The following COL25A1 variants were observed in gnomAD, a reference collection of about 807,000 sequenced individuals.
COL25A1 encodes the protein collagen alpha-1(XXV) chain.
In COL25A1, 103 loss-of-function variants were observed where a neutral mutation model predicts 128.4. That is an observed-to-expected ratio of 0.80 (90% CI 0.68 to 0.94). COL25A1 has a LOEUF of 0.94. Ranked by LOEUF, COL25A1 falls within the 40% of genes least tolerant of loss-of-function variation. COL25A1 has a pLI of 0.00. For missense variants in COL25A1, 745 were observed against 840.0 expected, an observed-to-expected ratio of 0.89 and a Z score of 1.40; for synonymous variants, 279 against 277.2, an observed-to-expected ratio of 1.01 and a Z score of -0.06.
At chr4:108,917,958 C>T (rs1367883536) in intron 13 of COL25A1, among the ~76,000 whole-genome samples, 1 of 152,156 alleles carries the variant, frequency 6.6e-6, no homozygotes, top group Non-Finnish European at 1.5e-5. Context: ...ATCCAAAATA[C>T]TTGAAATGGA....
chr4:108,866,058 T>C (rs1455245473), intron 20 of COL25A1, among the ~76,000 whole-genome samples: 1 of 152,238 alleles, frequency 6.6e-6, no homozygotes, highest in Non-Finnish European at 1.5e-5. Context: ...TTCAGGAGAA[T>C]AGAAACTGTT....
At chr4:108,859,515 C>T in intron 24 of COL25A1, 141 bp downstream of exon 24, 1 of 572,728 alleles carries the variant, frequency 1.7e-6, no homozygotes, top group Non-Finnish European at 3.1e-6. Flanking sequence ...GGGATGAGTT[C>T]TTGAGAACAG....
intron 11 of COL25A1, among the ~76,000 whole-genome samples, chr4:108,934,387 T>C (rs1017078720): frequency 6.6e-6 from 1 of 151,964 alleles, no homozygotes; most frequent in Admixed American, 6.6e-5. Context: ...CTAATGTAAA[T>C]GATGAGTTGA....
rs75168958 is a variant in COL25A1, at chr4:108,865,151, G to A, written c.1084-1764C>T. ...AAGAGTGTCTGGCTTCTTGCATAAG[G>A]GGTAGAATTTCAATCATCAAACATT... On this transcript the variant is annotated intron_variant, in intron 20 of 37. Transcript: ENST00000399132. Among the ~76,000 whole-genome samples the A allele has an allele frequency of 4.6e-3, 696 of 151,922 alleles. 15 individuals are homozygous for A. In the East Asian group the frequency reaches 0.062, roughly 14 times the overall value.
intron 27 of COL25A1, among the ~76,000 whole-genome samples, chr4:108,848,345 C>G (rs1735350293): frequency 6.6e-6 from 1 of 152,060 alleles, no homozygotes; most frequent in Non-Finnish European, 1.5e-5. Context: ...GATTAGGTGT[C>G]ATCTTTATTT....
At chr4:108,994,977 G>A (rs1414394481) in intron 6 of COL25A1, among the ~76,000 whole-genome samples, 3 of 152,164 alleles carry the variant, frequency 2.0e-5, no homozygotes, top group Non-Finnish European at 4.4e-5. Flanking sequence ...CAACATCAAA[G>A]ACCAAAGGTA....
At chr4:108,847,954 C>A (rs187325159) in intron 27 of COL25A1, among the ~76,000 whole-genome samples, 3 of 152,172 alleles carry the variant, frequency 2.0e-5, no homozygotes, top group Non-Finnish European at 2.9e-5. Flanking sequence ...TAATGGAAAT[C>A]AAGAAAACAC....
chr4:108,858,865 C>G (rs1736832008), intron 24 of COL25A1, among the ~76,000 whole-genome samples: 1 of 151,950 alleles, frequency 6.6e-6, no homozygotes, highest in Admixed American at 6.6e-5. Flanking sequence ...AAAAAAGTTT[C>G]AAAGGAAGGT....
chr4:109,227,228 T>C (rs1253803451), intron 3 of COL25A1, among the ~76,000 whole-genome samples: 2 of 151,414 alleles, frequency 1.3e-5, no homozygotes, highest in African/African-American at 2.4e-5. Flanking sequence ...AACATTGTGA[T>C]AACGCAGTTT....
chr4:108,866,198 C>CTTT (rs35781275), intron 20 of COL25A1, among the ~76,000 whole-genome samples: 2 of 128,616 alleles, frequency 1.6e-5, no homozygotes, highest in Admixed American at 8.1e-5. Context: ...TCTTTTCTTT[C>CTTT]TTTTTTTTTT....
chr4:109,223,907 T>G (rs574243346), intron 3 of COL25A1, among the ~76,000 whole-genome samples: 40 of 152,218 alleles, frequency 2.6e-4, no homozygotes, highest in Admixed American at 3.9e-4. Context: ...CCTAAAGATT[T>G]ATGAATTACA....
intron 19 of COL25A1, among the ~76,000 whole-genome samples, chr4:108,878,632 G>A (rs894334695): frequency 3.9e-5 from 6 of 152,202 alleles, no homozygotes; most frequent in South Asian, 2.1e-4. Context: ...TTTATTTCCC[G>A]TAAGGATCAA....
intron 3 of COL25A1, among the ~76,000 whole-genome samples, chr4:109,281,153 A>G (rs1349146029): frequency 6.6e-6 from 1 of 152,206 alleles, no homozygotes; most frequent in African/African-American, 2.4e-5. Context: ...ACTCTTCTAA[A>G]TAAGTGTAGT....
chr4:109,178,650 C>T (rs1056158478), intron 3 of COL25A1, among the ~76,000 whole-genome samples: 1 of 151,810 alleles, frequency 6.6e-6, no homozygotes, highest in Non-Finnish European at 1.5e-5. Context: ...TGGTGAAACC[C>T]CGTCTCTACT....
At chr4:109,241,676 CCA>C (rs1217964488) in intron 3 of COL25A1, among the ~76,000 whole-genome samples, 1 of 151,600 alleles carries the variant, frequency 6.6e-6, no homozygotes, top group Non-Finnish European at 1.5e-5. Flanking sequence ...GTGGACACCA[CCA>C]GTTTTCACCT....
At chr4:108,840,292 A>C (rs1222892952) in intron 31 of COL25A1, among the ~76,000 whole-genome samples, 1 of 151,004 alleles carries the variant, frequency 6.6e-6, no homozygotes, top group Non-Finnish European at 1.5e-5. Flanking sequence ...GATTTAGTCT[A>C]GATGGGGAAA....
At chr4:108,881,564 T>G (rs1740124983) in intron 19 of COL25A1, among the ~76,000 whole-genome samples, 1 of 152,232 alleles carries the variant, frequency 6.6e-6, no homozygotes, top group Admixed American at 6.5e-5. Flanking sequence ...GGTGGTTTCA[T>G]CTTTTAAATA....
chr4:108,984,704 G>A (rs1467872665), intron 6 of COL25A1, among the ~76,000 whole-genome samples: 3 of 152,206 alleles, frequency 2.0e-5, no homozygotes, highest in Non-Finnish European at 4.4e-5. Context: ...CAAGCACCGC[G>A]CGCAGCCCCT....
At chr4:108,872,894 T>A (rs1395161461) in intron 19 of COL25A1, among the ~76,000 whole-genome samples, 1 of 152,066 alleles carries the variant, frequency 6.6e-6, no homozygotes, top group Non-Finnish European at 1.5e-5. Context: ...CTTTTTTTTT[T>A]CTTTTGTTTT....
Sources: gnomAD v4.1 joint callset for allele counts (sites outside exome capture counted in the v4.1 genomes callset) on GRCh38, gnomAD v4.1.1 for gene constraint, MANE v1.5 for transcripts, NCBI Gene and HGNC (gene_info 2026-07-23, HGNC 2026-07-21) for gene names.